The following TBL1Y variants were observed in gnomAD, a reference collection of about 807,000 sequenced individuals.
TBL1Y encodes the protein transducin beta like 1 Y-linked.
Under a neutral mutation model 12.0 loss-of-function variants are expected in TBL1Y, and 15 were observed. The ratio of observed to expected loss-of-function variants is 1.25; its 90% confidence interval spans 0.83 to 1.92. The LOEUF (loss-of-function observed/expected upper bound fraction) is 1.92. Ranked by LOEUF, TBL1Y falls within the 40% of genes most tolerant of loss-of-function variation. TBL1Y has a pLI of 0.00. For synonymous variants in TBL1Y, 53 were observed against 42.6 expected, an observed-to-expected ratio of 1.24 and a Z score of -0.95; for missense variants, 148 against 116.7, an observed-to-expected ratio of 1.27 and a Z score of -1.24.
At chrY:7,061,376 C>T in intron 7 of TBL1Y, among the ~76,000 whole-genome samples, 1 of 32,259 alleles carries the variant, frequency 3.1e-5, no homozygotes, top group East Asian at 8.3e-4. Flanking sequence ...AGAAGACCTT[C>T]ATTATGATCA....
At chrY:6,979,004 G>A in intron 3 of TBL1Y, among the ~76,000 whole-genome samples, 1 of 32,074 alleles carries the variant, frequency 3.1e-5, no homozygotes. Context: ...GCATGATATC[G>A]TCTCACTGCA....
rs371754526 is a variant in TBL1Y at position 7,070,704 on chromosome Y, T to G, written c.591-16T>G. ...TTGAACCAAATACCGGAGGCTTCTG[T>G]GTTTTTATTCTGTAGATCTGGAGAC... On this transcript the variant is annotated splice_polypyrimidine_tract_variant and intron_variant, in intron 9 of 18. Transcript: ENST00000383032. The G allele has an allele frequency of 3.5e-5, 14 of 396,441 alleles. No individual in the cohort carries two copies. Among genetic ancestry groups the G allele is most frequent in the Non-Finnish European group, 4.9e-5 (14 of 283,106 alleles).
chrY:6,916,155 C>A, intron 2 of TBL1Y, among the ~76,000 whole-genome samples: 3 of 31,915 alleles, frequency 9.4e-5, no homozygotes, highest in Non-Finnish European at 2.3e-4. Context: ...AGATGGCACT[C>A]GAGTTTTTCC....
At chrY:7,042,629 G>A in intron 6 of TBL1Y, among the ~76,000 whole-genome samples, 1 of 32,437 alleles carries the variant, frequency 3.1e-5, no homozygotes, top group East Asian at 8.1e-4. Flanking sequence ...CTCACCTCAG[G>A]TGATCCACCT....
intron 2 of TBL1Y, chrY:6,920,387 G>A (rs2011768403): frequency 2.9e-5 from 1 of 33,903 alleles, no homozygotes; most frequent in Non-Finnish European, 7.3e-5. Context: ...TTCCCAGTGG[G>A]TTAATCATAT....
chrY:7,040,366 C>T, intron 6 of TBL1Y, among the ~76,000 whole-genome samples: 3 of 34,516 alleles, frequency 8.7e-5, no homozygotes, highest in African/African-American at 3.4e-4. Flanking sequence ...ATGTGAATAC[C>T]GTTGTCCACA....
At position 7,063,988 on chromosome Y, in the gene TBL1Y, T is replaced by A; in HGVS notation, c.296T>A (p.Phe99Tyr). 2.5e-6 allele frequency: 1 copy of A among 398,417 alleles called. No individual in the cohort carries two copies. ...GTGGTGCAGATGCGGCAGCAGGCAT[T>A]TGGAGAGAAGCTCACTCAGCAGCAA... ...PDVVQMRQQA[F>Y]GEKLTQQQAS... Residue 99 changes from phenylalanine (F) to tyrosine (Y), a missense_variant, in exon 8 of 19, where the codon TTT becomes TAT. Phe to Tyr is a conservative substitution (Grantham distance 22). Transcript: ENST00000383032.
At chrY:6,922,331 C>T in intron 2 of TBL1Y, among the ~76,000 whole-genome samples, 3 of 34,257 alleles carry the variant, frequency 8.8e-5, no homozygotes, top group Non-Finnish European at 2.2e-4. Flanking sequence ...TCTGGCCCCA[C>T]CCACATCCTA....
intron 18 of TBL1Y, 61 bp from the exon 19 acceptor site, chrY:7,091,411 C>T: frequency 6.2e-6 from 2 of 320,259 alleles, no homozygotes; most frequent in African/African-American, 1.4e-4. Context: ...GCTGACCTCT[C>T]ACTCTAAAGG....
At chrY:7,044,945 TCA>T (rs2012750448) in intron 7 of TBL1Y, among the ~76,000 whole-genome samples, 1 of 33,469 alleles carries the variant, frequency 3.0e-5, no homozygotes, top group Admixed American at 2.7e-4. Flanking sequence ...TGTACCTAGC[TCA>T]TTTGTTTCTT....
chrY:7,024,848 T>C, intron 5 of TBL1Y, among the ~76,000 whole-genome samples, 187 bp from the exon 6 acceptor site: 4 of 30,593 alleles, frequency 1.3e-4, no homozygotes. Context: ...TCACCTGGTC[T>C]TTTTTTTTTC....
chrY:7,064,607 C>G (rs568350701), intron 8 of TBL1Y, among the ~76,000 whole-genome samples: 6 of 33,766 alleles, frequency 1.8e-4, no homozygotes, highest in African/African-American at 7.0e-4. Flanking sequence ...ACATCATTCC[C>G]TGTTAGGTAA....
intron 2 of TBL1Y, among the ~76,000 whole-genome samples, chrY:6,955,702 C>T: frequency 8.8e-5 from 3 of 33,990 alleles, no homozygotes; most frequent in Non-Finnish European, 1.5e-4. Context: ...TCCATTTGCT[C>T]TTACTATACT....
chrY:7,015,301 C>A, intron 4 of TBL1Y, among the ~76,000 whole-genome samples: 1 of 33,105 alleles, frequency 3.0e-5, no homozygotes, highest in Non-Finnish European at 7.4e-5. Flanking sequence ...GTATCGTCAT[C>A]TGCATGGGCA....
chrY:7,000,522 A>G (rs2012440609), intron 4 of TBL1Y, among the ~76,000 whole-genome samples: 2 of 33,803 alleles, frequency 5.9e-5, no homozygotes, highest in Admixed American at 5.4e-4. Flanking sequence ...ACAGCTGAAA[A>G]TTTAAGGGTC....
At chrY:7,064,615 T>C in intron 8 of TBL1Y, among the ~76,000 whole-genome samples, 1 of 33,665 alleles carries the variant, frequency 3.0e-5, no homozygotes, top group Non-Finnish European at 7.3e-5. Flanking sequence ...CCCTGTTAGG[T>C]AATTGCCAGC....
At chrY:7,032,529 T>C in intron 6 of TBL1Y, among the ~76,000 whole-genome samples, 1 of 33,331 alleles carries the variant, frequency 3.0e-5, no homozygotes, top group African/African-American at 1.2e-4. Context: ...TTGGGGCAAG[T>C]CCCTAGCACA....
At chrY:6,951,597 A>T in intron 2 of TBL1Y, among the ~76,000 whole-genome samples, 1 of 32,718 alleles carries the variant, frequency 3.1e-5, no homozygotes, top group Non-Finnish European at 7.5e-5. Context: ...GCGGTCTATC[A>T]GTTTTGCTGA....
intron 2 of TBL1Y, among the ~76,000 whole-genome samples, chrY:6,916,816 C>CA (rs2011737798): frequency 2.9e-5 from 1 of 34,663 alleles, no homozygotes; most frequent in Admixed American, 2.6e-4. Context: ...ATGTTTTCAA[C>CA]ACTGAGTTCT....
Sources: allele counts gnomAD v4.1 joint callset (sites outside exome capture counted in the v4.1 genomes callset), GRCh38; gene constraint gnomAD v4.1.1; transcripts MANE v1.5; gene names NCBI Gene and HGNC (gene_info 2026-07-23, HGNC 2026-07-21).